The following CDH19 variants were observed in gnomAD, a reference collection of about 807,000 sequenced individuals.
The protein encoded by CDH19 is cadherin 19, also known as cadherin-19.
CDH19 carries 67 observed loss-of-function variants against 64.2 expected under a neutral mutation model. The ratio of observed to expected loss-of-function variants is 1.04; its 90% confidence interval spans 0.86 to 1.28. The LOEUF (loss-of-function observed/expected upper bound fraction) is 1.28. Ranked by LOEUF, CDH19 falls within the 50% of genes most tolerant of loss-of-function variation. The pLI is 0.00. For missense variants in CDH19, 1,030 were observed against 929.0 expected (o/e 1.11, Z -1.41); for synonymous variants, 346 against 319.3 (o/e 1.08, Z -0.89).
intron 3 of CDH19, among the ~76,000 whole-genome samples, chr18:66,559,297 A>G (rs998583980): frequency 6.6e-6 from 1 of 152,098 alleles, no homozygotes; most frequent in African/African-American, 2.4e-5. Context: ...AAAATTAAGA[A>G]TAAAAGGAAA....
chr18:66,515,412 G>A (rs970132604), intron 9 of CDH19, among the ~76,000 whole-genome samples: 1 of 151,666 alleles, frequency 6.6e-6, no homozygotes, highest in Admixed American at 6.6e-5. Flanking sequence ...TGTTCAAACA[G>A]GCAGAGTACA....
chr18:66,571,901 TC>T (rs1204785924), intron 2 of CDH19, 108 bp downstream of exon 2: 2 of 734,268 alleles, frequency 2.7e-6, no homozygotes, highest in Non-Finnish European at 4.3e-6. Flanking sequence ...TTGAAGCTTT[TC>T]AATGGCTTCA....
At chr18:66,539,513 TTGTC>T (rs1274552470) in intron 7 of CDH19, among the ~76,000 whole-genome samples, 1 of 152,122 alleles carries the variant, frequency 6.6e-6, no homozygotes, top group Non-Finnish European at 1.5e-5. Flanking sequence ...TGTTTTTTCT[TTGTC>T]TATTGAGATG....
rs945831615 is a variant in CDH19, at chr18:66,568,452, G to A, written c.454C>T (p.Pro152Ser). 1.2e-5 allele frequency: 20 copies of A among 1,611,820 alleles called. No individual in the cohort carries two copies. Among genetic ancestry groups the A allele is most frequent in the Non-Finnish European group, 1.7e-5 (20 of 1,178,666 alleles). The change falls in exon 3 of 12, where the codon CCT (proline) becomes TCT (serine). Residue 152 changes from proline to serine, a missense_variant. By Grantham distance (74) the Pro-to-Ser change is moderately conservative. Coordinates refer to ENST00000262150, the MANE Select transcript of CDH19 (RefSeq NM_021153.4). ...ATCTCTGGTACAATGGCCTCATAAGGTTCATCTAGGAATTTTGGTTCATTG... is the reference window on the plus strand; with the variant it reads ...ATCTCTGGTACAATGGCCTCATAAGATTCATCTAGGAATTTTGGTTCATTG... The part of the protein sequence containing the change: ...NDNEPKFLDE[P>S]YEAIVPEMSP...
chr18:66,541,900 A>G (rs1203143540), intron 7 of CDH19, among the ~76,000 whole-genome samples: 2 of 152,114 alleles, frequency 1.3e-5, no homozygotes, highest in African/African-American at 4.8e-5. Context: ...CTTCATATAT[A>G]TGTAGCATTT....
chr18:66,518,230 C>CTTAT (rs1453541743), intron 9 of CDH19, among the ~76,000 whole-genome samples: 3 of 151,760 alleles, frequency 2.0e-5, no homozygotes, highest in Non-Finnish European at 2.9e-5. Context: ...TTATTCATTA[C>CTTAT]TTATTTATTT....
In CDH19 at chr18:66,528,222, G is replaced by C. The variant is rs549936882; in HGVS notation, c.1458+1623C>G. Among the ~76,000 whole-genome samples, 22 of 152,122 alleles carry C rather than the reference G, an allele frequency of 1.4e-4. 1 individual carries two copies. In the South Asian group the frequency reaches 4.4e-3, roughly 30 times the overall value. Reference sequence around the variant, plus strand: ...GTAATCAGATGTGTTTGAAATTCTTGAGAACATTAGCTATGTCCAATTTCT... The same window carrying C: ...GTAATCAGATGTGTTTGAAATTCTTCAGAACATTAGCTATGTCCAATTTCT... On this transcript the variant is annotated intron_variant, in intron 9 of 11. Coordinates refer to ENST00000262150, the MANE Select transcript of CDH19 (RefSeq NM_021153.4).
intron 9 of CDH19, among the ~76,000 whole-genome samples, chr18:66,519,094 C>T (rs1181707517): frequency 3.9e-5 from 6 of 152,044 alleles, no homozygotes; most frequent in African/African-American, 9.7e-5. Flanking sequence ...TTTGTTAATT[C>T]GACTCCCCTA....
At chr18:66,519,689 C>A (rs555422050) in intron 9 of CDH19, among the ~76,000 whole-genome samples, 1 of 152,024 alleles carries the variant, frequency 6.6e-6, no homozygotes, top group African/African-American at 2.4e-5. Context: ...CTCTAAAGAA[C>A]CACTTTGCCT....
chr18:66,544,273 G>T, intron 6 of CDH19, 49 bp from the exon 7 acceptor site: 1 of 1,543,822 alleles, frequency 6.5e-7, no homozygotes, highest in Non-Finnish European at 8.7e-7. Context: ...AGTAACCCAA[G>T]ATACTATTTA....
intron 5 of CDH19, among the ~76,000 whole-genome samples, chr18:66,550,264 A>G (rs1443963599): frequency 1.3e-5 from 2 of 152,192 alleles, no homozygotes; most frequent in African/African-American, 4.8e-5. Context: ...TTTACGAAGC[A>G]TACCATGTGT....
intron 3 of CDH19, among the ~76,000 whole-genome samples, chr18:66,559,126 A>G (rs972442294): frequency 6.6e-6 from 1 of 152,082 alleles, no homozygotes; most frequent in African/African-American, 2.4e-5. Context: ...ACTATTCTAC[A>G]TAAGGACCAT....
At chr18:66,562,003 A>G (rs1044889987) in intron 3 of CDH19, among the ~76,000 whole-genome samples, 17 of 152,118 alleles carry the variant, frequency 1.1e-4, no homozygotes, top group Non-Finnish European at 1.6e-4. Flanking sequence ...TCAACACAAT[A>G]TTTGACTTTG....
intron 9 of CDH19, among the ~76,000 whole-genome samples, chr18:66,515,598 C>G (rs112306591): frequency 1.3e-5 from 2 of 151,668 alleles, no homozygotes; most frequent in African/African-American, 4.8e-5. Context: ...GGATTTTTCA[C>G]AAAGTTTCAT....
chr18:66,547,343 C>T (rs1987153773), intron 5 of CDH19, among the ~76,000 whole-genome samples: 1 of 151,658 alleles, frequency 6.6e-6, no homozygotes, highest in African/African-American at 2.4e-5. Context: ...TGTGTGTGTG[C>T]GTATGTATAT....
intron 1 of CDH19, among the ~76,000 whole-genome samples, chr18:66,572,769 T>G (rs1466293425): frequency 6.6e-6 from 1 of 151,784 alleles, no homozygotes; most frequent in Non-Finnish European, 1.5e-5. Flanking sequence ...CAAATTATGG[T>G]ATTTTATGTA....
At chr18:66,558,181 T>A (rs1434531889) in intron 3 of CDH19, among the ~76,000 whole-genome samples, 3 of 144,094 alleles carry the variant, frequency 2.1e-5, no homozygotes, top group South Asian at 2.2e-4. Context: ...ATATATATAA[T>A]ATATATATTT....
intron 1 of CDH19, among the ~76,000 whole-genome samples, chr18:66,600,738 CAT>C (rs1400270141): frequency 1.3e-5 from 2 of 151,816 alleles, no homozygotes; most frequent in East Asian, 3.9e-4. Context: ...GCCAGGTACA[CAT>C]ATGTGTGTGA....
At chr18:66,559,874 A>T (rs1004125816) in intron 3 of CDH19, among the ~76,000 whole-genome samples, 2 of 151,988 alleles carry the variant, frequency 1.3e-5, no homozygotes, top group Non-Finnish European at 2.9e-5. Context: ...ATGACTACTT[A>T]AAAATAAAAA....
Sources: gnomAD v4.1 joint callset for allele counts (sites outside exome capture counted in the v4.1 genomes callset) on GRCh38, gnomAD v4.1.1 for gene constraint, MANE v1.5 for transcripts, NCBI Gene and HGNC (gene_info 2026-07-23, HGNC 2026-07-21) for gene names.